Variants in XYLT2 observed in about 807,000 individuals in gnomAD.
The protein encoded by XYLT2 is xylosyltransferase 2, also known as UDP-D-xylose:proteoglycan core protein beta-D-xylosyltransferase.
A neutral mutation model predicts 82.6 loss-of-function variants in XYLT2; 37 were observed. The observed-to-expected ratio is 0.45, with a 90% CI of 0.34 to 0.59. XYLT2 has a LOEUF of 0.59. Among genes scored for constraint, XYLT2 ranks in the 20% least tolerant of loss-of-function variants. The pLI is 0.01. For missense variants in XYLT2, 934 were observed against 1,181.3 expected (o/e 0.79, Z 3.07); for synonymous variants, 474 against 499.0 (o/e 0.95, Z 0.67).
chr17:50,353,705 CG>C lies in XYLT2; in HGVS notation c.215del (p.Gly72AlafsTer28). On this transcript the variant is annotated frameshift_variant, in exon 2 of 11. Coordinates refer to ENST00000017003, the MANE Select transcript of XYLT2 (RefSeq NM_022167.4). LOFTEE classifies it high-confidence loss of function. ...GGACACAGACAGTTCAGCAGGGCGA[CG>C]GGGCAGCACAGGCAGAAGGCATGGG... ...SKDTDSSAGR[R>X]GSTGRRHGRW... The C allele has an allele frequency of 6.4e-7, 1 of 1,561,572 alleles. No homozygotes were observed. Among genetic ancestry groups the C allele is most frequent in the Non-Finnish European group, 8.7e-7 (1 of 1,152,184 alleles).
Position 50,356,672 on chromosome 17 carries a change from T to C in XYLT2, c.1644T>C (p.Ser548=). The C allele has an allele frequency of 6.2e-7, 1 of 1,613,634 alleles. No homozygotes were observed. Among genetic ancestry groups the C allele is most frequent in the Non-Finnish European group, 8.5e-7 (1 of 1,180,018 alleles). The change falls in exon 8 of 11, where the codon AGT becomes AGC. Residue 548 remains serine (S), a synonymous_variant. Transcript: ENST00000017003. ...CCTACGACGCGGCTGATGGCCCCAG[T>C]GGGCTCAGTGATGTCATGCTCACTG... ...ENTYDAADGP[S]GLSDVMLTAY...
At chr17:50,352,547 G>A (rs1331329355) in intron 1 of XYLT2, among the ~76,000 whole-genome samples, 1 of 152,230 alleles carries the variant, frequency 6.6e-6, no homozygotes, top group Non-Finnish European at 1.5e-5. Context: ...TGAAAGCATG[G>A]ATGGGATTTG....
At chr17:50,354,700 G>A (rs1346503821) in intron 3 of XYLT2, 117 bp downstream of exon 3, 1 of 1,522,974 alleles carries the variant, frequency 6.6e-7, no homozygotes, top group Non-Finnish European at 8.8e-7. Context: ...CTGAGGCCCT[G>A]AACAGGGGAG....
Position 50,351,638 on chromosome 17 carries a change from A to G in XYLT2, c.136-1992A>G, listed in dbSNP as rs184047107. Among the ~76,000 whole-genome samples the G allele has an allele frequency of 3.3e-5, 5 of 151,652 alleles. No homozygotes were observed. In the East Asian group the frequency reaches 9.7e-4, roughly 29 times the overall value. On this transcript the variant is annotated intron_variant, in intron 1 of 10. Coordinates refer to ENST00000017003, the MANE Select transcript of XYLT2 (RefSeq NM_022167.4). ...AACAGAGCAAGACTCTATCTAAAAG[A>G]AAAAAAAATGATTCCTAAAAGTTTT...
At position 50,346,173 on chromosome 17, in the gene XYLT2, GC is replaced by G; in HGVS notation, c.34del (p.Arg12GlyfsTer20). 1 of 1,287,270 alleles carries G rather than the reference GC, an allele frequency of 7.8e-7. No homozygotes were observed. Among genetic ancestry groups the G allele is most frequent in the Non-Finnish European group, 1.0e-6 (1 of 991,718 alleles). 79.7% of individuals were successfully genotyped at this position (1,287,270 alleles called of 1,614,324 possible). On this transcript the variant is annotated frameshift_variant, in exon 1 of 11. Coordinates refer to ENST00000017003, the MANE Select transcript of XYLT2 (RefSeq NM_022167.4). LOFTEE classifies it high-confidence loss of function. This position sits in a 1 kb window ranked among gnomAD's most constrained non-coding sequence, Gnocchi z 5.1. ...VASARVQKLV[R>X]RYKLAIATAL... ...CGAGCGCGCGAGTGCAGAAGCTGGTGCGGCGCTACAAGCTGGCGATTGCCAC... is the reference window on the plus strand; with the variant it reads ...CGAGCGCGCGAGTGCAGAAGCTGGTGGGCGCTACAAGCTGGCGATTGCCAC...
chr17:50,361,143 A>G lies in XYLT2; in HGVS notation c.*852A>G, dbSNP rs185935405. On this transcript the variant is annotated 3_prime_UTR_variant, in exon 11 of 11. Transcript: ENST00000017003. The stretch of plus-strand genomic sequence containing the variant: ...TATGCAACAGAAGAAATATATCTCT[A>G]TCTCTCTACTCTGGGCTCTGTGTTT... 5 of 985,636 alleles carry G rather than the reference A, an allele frequency of 5.1e-6. No homozygotes were observed. Among genetic ancestry groups the G allele is most frequent in the Non-Finnish European group, 6.0e-6 (5 of 829,836 alleles). 61.1% of individuals were successfully genotyped at this position (985,636 alleles called of 1,614,324 possible).
At position 50,360,851 on chromosome 17, in the gene XYLT2, A is replaced by G. The variant is rs1012163874; in HGVS notation, c.*560A>G. The G allele has an allele frequency of 1.7e-5, 17 of 985,784 alleles. No homozygotes were observed. The African/African-American group carries it at 2.1e-4, about 12-fold the overall frequency. The allele number at this position is 985,784 out of a possible 1,614,324, so 61.1% of individuals were successfully genotyped here. A position where few individuals can be genotyped will look rare whatever the true frequency, so the allele number is the denominator to read the frequency against. On this transcript the variant is annotated 3_prime_UTR_variant, in exon 11 of 11. Coordinates refer to ENST00000017003, the MANE Select transcript of XYLT2 (RefSeq NM_022167.4). ...CTCTAAGGCCCGAAGAACAGGTGAT[A>G]TCGGGGGCGCTGCAGAGCTGGGCTC...
In XYLT2 at chr17:50,346,337, G is replaced by C; in HGVS notation, c.135+62G>C. On this transcript the variant is annotated intron_variant, in intron 1 of 10. Coordinates refer to ENST00000017003, the MANE Select transcript of XYLT2 (RefSeq NM_022167.4). The surrounding 1 kb of genome is among the most constrained non-coding windows in gnomAD (Gnocchi z 5.1). ...CGGGGGCGCGCGGGGTCCTGGCGGG[G>C]CTGCGGGCGGCCCCAGCCGGGGAAG... The C allele has an allele frequency of 1.0e-6, 1 of 1,002,580 alleles. No homozygotes were observed. Among genetic ancestry groups the C allele is most frequent in the Non-Finnish European group, 1.2e-6 (1 of 842,566 alleles). 62.1% of individuals were successfully genotyped at this position (1,002,580 alleles called of 1,614,324 possible). A position where few individuals can be genotyped will look rare whatever the true frequency, so the allele number is the denominator to read the frequency against.
intron 2 of XYLT2, 85 bp from the exon 3 acceptor site, chr17:50,354,323 G>A (rs747444648): frequency 9.6e-5 from 145 of 1,515,054 alleles, no homozygotes; most frequent in Non-Finnish European, 1.2e-4. Context: ...AGGTTTCTTC[G>A]GAAGGCAGGC....
Position 50,358,047 on chromosome 17 carries a change from T to C in XYLT2, c.1942-160T>C, listed in dbSNP as rs1343031290. The C allele has an allele frequency of 1.4e-5, 9 of 650,518 alleles. 1 individual carries two copies. Among genetic ancestry groups the C allele is most frequent in the African/African-American group, 5.5e-5 (3 of 54,620 alleles). The allele number at this position is 650,518 out of a possible 1,614,324, so 40.3% of individuals were successfully genotyped here. ...ACGAATCTCAGAGCTGGGAGAGATA[T>C]TAAAGGTCTCCTAGTCTGACCCCTT... On this transcript the variant is annotated intron_variant, in intron 9 of 10. Coordinates refer to ENST00000017003, the MANE Select transcript of XYLT2 (RefSeq NM_022167.4).
intron 5 of XYLT2, 88 bp downstream of exon 5, chr17:50,355,669 T>C: frequency 6.3e-7 from 1 of 1,594,048 alleles, no homozygotes; most frequent in Non-Finnish European, 8.6e-7. Context: ...AGCCCTGGGT[T>C]TCAAAGCCTC....
At chr17:50,347,560 T>C (rs1339824019) in intron 1 of XYLT2, among the ~76,000 whole-genome samples, 1 of 147,716 alleles carries the variant, frequency 6.8e-6, no homozygotes, top group Non-Finnish European at 1.5e-5. Flanking sequence ...GTAAGAAGAC[T>C]GTTTGGGCAG....
Position 50,360,092 on chromosome 17 carries a change from A to G in XYLT2, c.2399A>G (p.His800Arg), listed in dbSNP as rs769678460. Residue 800 changes from histidine (H) to arginine (R), a missense_variant, in exon 11 of 11, where the codon CAC becomes CGC. By Grantham distance (29) the His-to-Arg change is conservative. Coordinates refer to ENST00000017003, the MANE Select transcript of XYLT2 (RefSeq NM_022167.4). ...CTCGCGGAGGAGGCTGCCCAGCGGCACACACAGCTCACAGGCCCTGCGCTC... is the reference window on the plus strand; with the variant it reads ...CTCGCGGAGGAGGCTGCCCAGCGGCGCACACAGCTCACAGGCCCTGCGCTC... The part of the protein sequence containing the change: ...PELAEEAAQR[H>R]TQLTGPALEA... 2.9e-5 allele frequency: 46 copies of G among 1,613,858 alleles called. No individual in the cohort carries two copies. The highest frequency in any genetic ancestry group is 3.7e-5 in the Non-Finnish European group (44 of 1,179,980).
intron 9 of XYLT2, 167 bp from the exon 10 acceptor site, chr17:50,358,040 A>G (rs937617508): frequency 2.2e-5 from 14 of 628,572 alleles, no homozygotes; most frequent in Non-Finnish European, 5.5e-6. Flanking sequence ...CAGAGCTGGG[A>G]GAGATATTAA....
chr17:50,357,156 G>C lies in XYLT2; in HGVS notation c.1845G>C (p.Gln615His), dbSNP rs60712738. The C allele has an allele frequency of 3.3e-3, 5,383 of 1,613,378 alleles. 148 individuals are homozygous for C. The African/African-American group carries it at 0.061, about 18-fold the overall frequency. Reference sequence around the variant, plus strand: ...CGCAGGCGGTGCAGCCCTCAGCCCAGGGGCCGGCAGAGACGCTTGAGATGT... The same window carrying C: ...CGCAGGCGGTGCAGCCCTCAGCCCACGGGCCGGCAGAGACGCTTGAGATGT... ...LVTQAVQPSA[Q>H]GPAETLEMWL... The change falls in exon 9 of 11, where the codon CAG becomes CAC. Residue 615 changes from glutamine (Q) to histidine (H), a missense_variant. Gln to His is a conservative substitution (Grantham distance 24). Coordinates refer to ENST00000017003, the MANE Select transcript of XYLT2 (RefSeq NM_022167.4).
At position 50,356,128 on chromosome 17, in the gene XYLT2, C is replaced by A; in HGVS notation, c.1349C>A (p.Thr450Asn). The A allele has an allele frequency of 6.2e-7, 1 of 1,614,232 alleles. No homozygotes were observed. The highest frequency in any genetic ancestry group is 8.5e-7 in the Non-Finnish European group (1 of 1,180,040). The change falls in exon 7 of 11, where the codon ACC becomes AAC. Residue 450 changes from threonine (T) to asparagine (N), a missense_variant. Transcript: ENST00000017003. Reference protein sequence around the residue: ...TVLENSLACETLVDNNLRVTN... With the variant: ...TVLENSLACENLVDNNLRVTN... ...CTGGAGAACAGCCTGGCCTGTGAGA[C>A]CCTCGTGGACAACAACCTGCGGGTC... is the stretch of plus-strand genomic sequence containing the variant.
At chr17:50,358,568 C>A in intron 10 of XYLT2, 28 bp downstream of exon 10, 1 of 1,583,894 alleles carries the variant, frequency 6.3e-7, no homozygotes, top group East Asian at 2.3e-5. Flanking sequence ...AAATGAGGCC[C>A]AGAAGCCAGA....
At chr17:50,357,370 G>T in intron 9 of XYLT2, 118 bp downstream of exon 9, 3 of 1,043,850 alleles carry the variant, frequency 2.9e-6, no homozygotes, top group Non-Finnish European at 4.0e-6. Context: ...TGGCAGCCAT[G>T]GTGATGCCCC....
rs200178383 is a variant in XYLT2 at position 50,356,325 on chromosome 17, T to C, written c.1482+64T>C. 4.7e-5 allele frequency: 75 copies of C among 1,582,926 alleles called. No individual in the cohort carries two copies. In the East Asian group the frequency reaches 1.6e-3, roughly 33 times the overall value. ...CTCCCCTGGCTTTTCACCAGGAAAA[T>C]GGCAGGGTGGGCCAGTAAGAGAATC... On this transcript the variant is annotated intron_variant, in intron 7 of 10. Coordinates refer to ENST00000017003, the MANE Select transcript of XYLT2 (RefSeq NM_022167.4).
Sources: allele counts gnomAD v4.1 joint callset (sites outside exome capture counted in the v4.1 genomes callset), GRCh38; gene constraint gnomAD v4.1.1; non-coding constraint Gnocchi (gnomAD v3.1); transcripts MANE v1.5; gene names NCBI Gene and HGNC (gene_info 2026-07-23, HGNC 2026-07-21).